Variants in KIAA2012 observed in about 807,000 individuals in gnomAD.
The protein encoded by KIAA2012 is uncharacterized protein KIAA2012.
Under a neutral mutation model 150.6 loss-of-function variants are expected in KIAA2012, and 125 were observed. The ratio of observed to expected loss-of-function variants is 0.83; its 90% CI spans 0.72 to 0.96. KIAA2012 has a LOEUF of 0.96. Among genes scored for constraint, KIAA2012 ranks in the 40% least tolerant of loss-of-function variants. The pLI is 0.00. For missense variants in KIAA2012, 1,219 were observed against 1,354.9 expected, an observed-to-expected ratio of 0.90 and a Z score of 1.57; for synonymous variants, 462 against 504.7, an observed-to-expected ratio of 0.92 and a Z score of 1.13.
At chr2:202,203,660 C>G (rs1307653850) in intron 23 of KIAA2012, among the ~76,000 whole-genome samples, 1 of 152,196 alleles carries the variant, frequency 6.6e-6, no homozygotes, top group Non-Finnish European at 1.5e-5. Flanking sequence ...CAGCATTATT[C>G]TAGAGCCCTG....
intron 7 of KIAA2012, 40 bp from the exon 8 acceptor site, chr2:202,102,906 G>A: frequency 6.5e-7 from 1 of 1,535,340 alleles, no homozygotes; most frequent in East Asian, 2.5e-5. Flanking sequence ...GCAGGGTTTG[G>A]ATACCTGCCA....
intron 14 of KIAA2012, among the ~76,000 whole-genome samples, chr2:202,162,876 G>A (rs1318461402): frequency 4.1e-5 from 6 of 145,216 alleles, no homozygotes; most frequent in African/African-American, 1.5e-4. Flanking sequence ...GTTGCAGTGA[G>A]CTGAGATCGC....
Position 202,117,290 on chromosome 2 carries a change from AAG to A in KIAA2012, c.1762+3846_1762+3847del, listed in dbSNP as rs1346567860. On this transcript the variant is annotated intron_variant, in intron 11 of 23. Coordinates refer to ENST00000498697, the MANE Select transcript of KIAA2012 (RefSeq NM_001277372.4). The stretch of plus-strand genomic sequence containing the variant: ...ATTTGGTTGACAGAAAGATGAGTCT[AAG>A]AATATCCCAGCTGGTCTGAAAACAC... Among the ~76,000 whole-genome samples the A allele has an allele frequency of 2.6e-5, 4 of 152,366 alleles. No individual in the cohort carries two copies. In the South Asian group the frequency reaches 6.2e-4, roughly 24 times the overall value.
At chr2:202,120,474 C>T (rs1690630979) in intron 11 of KIAA2012, among the ~76,000 whole-genome samples, 1 of 152,168 alleles carries the variant, frequency 6.6e-6, no homozygotes, top group Admixed American at 6.5e-5. Flanking sequence ...ATGGCAAATC[C>T]AAGGCTCAAA....
chr2:202,128,720 T>C (rs1690855738), intron 12 of KIAA2012, among the ~76,000 whole-genome samples: 1 of 151,880 alleles, frequency 6.6e-6, no homozygotes, highest in South Asian at 2.1e-4. Flanking sequence ...AGGCCTTTTT[T>C]TTTTTTTTTT....
intron 14 of KIAA2012, among the ~76,000 whole-genome samples, chr2:202,162,337 C>CGT (rs1299158466): frequency 2.4e-3 from 371 of 152,076 alleles, no homozygotes; most frequent in African/African-American, 8.4e-3. Flanking sequence ...TGCAGTGTTG[C>CGT]GATCTCGGCT....
In KIAA2012 at chr2:202,162,754, A is replaced by G. The variant is rs1457834349; in HGVS notation, c.2047-2530A>G. Among the ~76,000 whole-genome samples the G allele has an allele frequency of 2.0e-5, 3 of 150,590 alleles. No homozygotes were observed. In the East Asian group the frequency reaches 6.0e-4, roughly 30 times the overall value. ...AGACAATCCTGGCCAACATGGTGAAACCCCATCTCTACCAAAAATACAAAA... is the reference window on the plus strand; with the variant it reads ...AGACAATCCTGGCCAACATGGTGAAGCCCCATCTCTACCAAAAATACAAAA... On this transcript the variant is annotated intron_variant, in intron 14 of 23. Transcript: ENST00000498697.
At chr2:202,175,100 CT>C (rs891751061) in intron 15 of KIAA2012, among the ~76,000 whole-genome samples, 11 of 151,950 alleles carry the variant, frequency 7.2e-5, no homozygotes, top group East Asian at 1.9e-4. Flanking sequence ...CCTTCCATTT[CT>C]TTTTTTTCCC....
Position 202,082,551 on chromosome 2 carries a change from G to A in KIAA2012, c.369+7376G>A, listed in dbSNP as rs186654095. On this transcript the variant is annotated intron_variant, in intron 2 of 23. Transcript: ENST00000498697. ...GCAGAGTTTGCAGTGAGCCAAGATC[G>A]TGCCACTGTACTCCAGCGTGGGTGA... Among the ~76,000 whole-genome samples the A allele has an allele frequency of 4.0e-3, 606 of 151,704 alleles. 4 individuals carry two copies. The highest frequency in any genetic ancestry group is 0.014 in the African/African-American group (579 of 41,268).
chr2:202,078,533 C>T (rs1308641086), intron 2 of KIAA2012, among the ~76,000 whole-genome samples: 1 of 152,202 alleles, frequency 6.6e-6, no homozygotes, highest in East Asian at 1.9e-4. Context: ...AAGAAATCCA[C>T]CCACCTTGGC....
intron 1 of KIAA2012, among the ~76,000 whole-genome samples, chr2:202,074,348 T>C (rs16838729): frequency 0.012 from 1,822 of 152,282 alleles, 46 homozygotes; most frequent in African/African-American, 0.041. Flanking sequence ...TTAAACGGCA[T>C]ATAAAGTTTC....
chr2:202,202,309 A>G, intron 22 of KIAA2012, 120 bp from the exon 23 acceptor site: 1 of 400,866 alleles, frequency 2.5e-6, no homozygotes, highest in South Asian at 1.4e-4. Context: ...GAAATCCAAG[A>G]TCAACAGCCC....
At chr2:202,192,275 C>G (rs1692337046) in intron 19 of KIAA2012, among the ~76,000 whole-genome samples, 1 of 152,124 alleles carries the variant, frequency 6.6e-6, no homozygotes. Context: ...GAAGGCTTGC[C>G]TCTCAAGGTT....
At chr2:202,114,134 C>T (rs1161542179) in intron 11 of KIAA2012, 1 of 152,198 alleles carries the variant, frequency 6.6e-6, no homozygotes, top group Non-Finnish European at 1.5e-5. Flanking sequence ...AACATGGATT[C>T]AGAGCTAGGA....
chr2:202,158,699 A>AT (rs1691587537), intron 14 of KIAA2012, among the ~76,000 whole-genome samples: 1 of 151,830 alleles, frequency 6.6e-6, no homozygotes, highest in African/African-American at 2.4e-5. Flanking sequence ...AAGAAAAAAA[A>AT]ATTTTTTGAA....
At chr2:202,201,649 C>T (rs1439231353) in intron 22 of KIAA2012, 12 of 1,610,712 alleles carry the variant, frequency 7.5e-6, no homozygotes, top group Non-Finnish European at 1.0e-5. Flanking sequence ...AAAGACCCAA[C>T]AGCCACAGAC....
chr2:202,174,248 C>T (rs898496594), intron 15 of KIAA2012, among the ~76,000 whole-genome samples: 10 of 152,098 alleles, frequency 6.6e-5, no homozygotes, highest in Non-Finnish European at 1.3e-4. Flanking sequence ...TACAGGCATG[C>T]GGCACTGCGC....
At chr2:202,160,504 G>T (rs986567376) in intron 14 of KIAA2012, among the ~76,000 whole-genome samples, 1 of 151,852 alleles carries the variant, frequency 6.6e-6, no homozygotes, top group Non-Finnish European at 1.5e-5. Flanking sequence ...TAGTACAGAC[G>T]GGGTTTTACC....
At chr2:202,157,300 G>A in intron 14 of KIAA2012, among the ~76,000 whole-genome samples, 1 of 152,186 alleles carries the variant, frequency 6.6e-6, no homozygotes, top group East Asian at 1.9e-4. Context: ...AGACAAAGAT[G>A]ATGAGTTCAA....
Sources: allele counts gnomAD v4.1 joint callset (sites outside exome capture counted in the v4.1 genomes callset), GRCh38; gene constraint gnomAD v4.1.1; transcripts MANE v1.5; gene names NCBI Gene and HGNC (gene_info 2026-07-23, HGNC 2026-07-21).